Variants in ALLC observed in about 807,000 individuals in gnomAD.
The protein encoded by ALLC is probable inactive allantoicase.
Under a neutral mutation model 45.0 loss-of-function variants are expected in ALLC, and 40 were observed. That is an observed-to-expected ratio of 0.89 (90% CI 0.69 to 1.16). ALLC has a LOEUF of 1.16. ALLC is among the 50% of genes most tolerant of loss of function. ALLC has a pLI of 0.00. For synonymous variants in ALLC, 176 were observed against 178.1 expected (o/e 0.99, Z 0.09); for missense variants, 488 against 493.1 (o/e 0.99, Z 0.10).
At chr2:3,697,617 G>A (rs1034035764) in intron 10 of ALLC, among the ~76,000 whole-genome samples, 161 bp downstream of exon 10, 19 of 138,610 alleles carry the variant, frequency 1.4e-4, no homozygotes, top group South Asian at 6.6e-4. Context: ...AACTCTGTCT[G>A]TCTGTCTATC....
At chr2:3,646,031 C>A in the ALLC span, among the ~76,000 whole-genome samples, 30 of 152,262 alleles carry the variant, frequency 2.0e-4, no homozygotes, top group African/African-American at 6.7e-4. Context: ...CCTGTCTCCC[C>A]ACCGGAGAAA....
At chr2:3,681,775 T>C in intron 6 of ALLC, 62 bp downstream of exon 6, 1 of 1,329,692 alleles carries the variant, frequency 7.5e-7, no homozygotes, top group Non-Finnish European at 1.1e-6. Context: ...GGGAAACTGC[T>C]CTGCACACCT....
Position 3,683,054 on chromosome 2 carries a change from T to C in ALLC, c.491T>C (p.Ile164Thr), listed in dbSNP as rs149774631. The C allele has an allele frequency of 5.3e-4, 858 of 1,613,806 alleles. 6 individuals carry two copies. The African/African-American group carries it at 9.4e-3, about 18-fold the overall frequency. The change falls in exon 7 of 12, where the codon ATC (isoleucine) becomes ACC (threonine). Residue 164 changes from isoleucine to threonine, a missense_variant. Ile to Thr is a moderately conservative substitution (Grantham distance 89). Transcript: ENST00000252505. ...LVNSQQRWTH[I>T]RLNIFPDGGI... ...AATTCCCAGCAGAGATGGACTCATA[T>C]CAGACTCAACATTTTCCCAGGTAAT...
chr2:3,656,011 G>A (rs961023491), upstream of ALLC, among the ~76,000 whole-genome samples: 6 of 152,330 alleles, frequency 3.9e-5, no homozygotes, highest in African/African-American at 7.2e-5. Flanking sequence ...GGAATGGGGC[G>A]GGGGGAGGAA....
intron 10 of ALLC, 29 bp downstream of exon 10, chr2:3,697,485 T>C (rs1454698298): frequency 3.2e-6 from 5 of 1,570,460 alleles, no homozygotes; most frequent in Non-Finnish European, 4.4e-6. Flanking sequence ...AGAAGTACCC[T>C]ATAATTGGTT....
At chr2:3,655,842 A>C (rs1023300755), upstream of ALLC, among the ~76,000 whole-genome samples, 40 of 152,070 alleles carry the variant, frequency 2.6e-4, no homozygotes, top group African/African-American at 9.7e-4. Context: ...TGGAGCCATA[A>C]GACAAGCCTC....
the ALLC span, among the ~76,000 whole-genome samples, chr2:3,651,919 C>T: frequency 2.3e-4 from 35 of 152,210 alleles, no homozygotes; most frequent in African/African-American, 7.7e-4. Context: ...GTGCCCTTCG[C>T]TTCCCCTGTG....
At chr2:3,675,583 CATAT>C (rs112480558) in intron 3 of ALLC, among the ~76,000 whole-genome samples, 8 of 150,778 alleles carry the variant, frequency 5.3e-5, no homozygotes, top group African/African-American at 1.7e-4. Context: ...TATACTTGAG[CATAT>C]ATATATATAT....
chr2:3,671,942 C>G (rs1226226252), intron 2 of ALLC, among the ~76,000 whole-genome samples: 3 of 86,246 alleles, frequency 3.5e-5, no homozygotes, highest in Non-Finnish European at 4.5e-5. Context: ...TATTTAGATC[C>G]GAGGTCCTCT....
At chr2:3,695,386 G>C in intron 7 of ALLC, 1 of 278,292 alleles carries the variant, frequency 3.6e-6, no homozygotes, top group Non-Finnish European at 6.8e-6. Context: ...AAAGAGATAT[G>C]ATAAAATGTA....
intron 6 of ALLC, among the ~76,000 whole-genome samples, 161 bp downstream of exon 6, chr2:3,681,874 G>T (rs553077161): frequency 1.4e-5 from 2 of 145,260 alleles, no homozygotes; most frequent in East Asian, 4.0e-4. Context: ...ACGTCTCAGT[G>T]GTTCATCAAC....
intron 3 of ALLC, among the ~76,000 whole-genome samples, chr2:3,677,104 T>A (rs2148003791): frequency 6.6e-6 from 1 of 152,308 alleles, no homozygotes; most frequent in East Asian, 1.9e-4. Flanking sequence ...TCTCTTTTTT[T>A]AAGGAACACA....
intron 7 of ALLC, 52 bp downstream of exon 7, chr2:3,683,126 T>C: frequency 6.5e-7 from 1 of 1,549,782 alleles, no homozygotes; most frequent in Non-Finnish European, 8.7e-7. Context: ...TATTTTATGT[T>C]GACATGTTTA....
At chr2:3,665,348 G>A (rs924164596) in intron 1 of ALLC, among the ~76,000 whole-genome samples, 48 of 151,926 alleles carry the variant, frequency 3.2e-4, no homozygotes, top group Admixed American at 2.9e-3. Context: ...ATACATGTGC[G>A]GATGTGCATG....
At chr2:3,663,310 C>T (rs903687601) in intron 1 of ALLC, among the ~76,000 whole-genome samples, 9 of 152,168 alleles carry the variant, frequency 5.9e-5, no homozygotes, top group African/African-American at 2.2e-4. Flanking sequence ...CCTCAGCAAA[C>T]TAACATGGGA....
chr2:3,648,198 TC>T, the ALLC span, among the ~76,000 whole-genome samples: 1 of 152,108 alleles, frequency 6.6e-6, no homozygotes, highest in Non-Finnish European at 1.5e-5. Context: ...TTTCCATTTC[TC>T]CCCCCATTAA....
intron 6 of ALLC, 146 bp downstream of exon 6, chr2:3,681,859 T>C (rs1667189311): frequency 1.6e-6 from 1 of 608,812 alleles, no homozygotes; most frequent in East Asian, 2.9e-5. Context: ...ACTGTGGCCT[T>C]GCAAACGTCT....
upstream of ALLC, chr2:3,658,181 C>A (rs1558531838): frequency 6.6e-6 from 1 of 152,316 alleles, no homozygotes; most frequent in Non-Finnish European, 1.5e-5. Flanking sequence ...AGTTCTGTCT[C>A]TACCTCAGGC....
the ALLC span, among the ~76,000 whole-genome samples, chr2:3,652,690 C>G: frequency 7.1e-6 from 1 of 140,878 alleles, no homozygotes. Context: ...TCAAGGGATT[C>G]TCTTGCCTCA....
Sources: allele counts gnomAD v4.1 joint callset (sites outside exome capture counted in the v4.1 genomes callset), GRCh38; gene constraint gnomAD v4.1.1; transcripts MANE v1.5; gene names NCBI Gene and HGNC (gene_info 2026-07-23, HGNC 2026-07-21).